Variants in RXFP2 observed in about 807,000 individuals in gnomAD.
RXFP2 encodes the protein relaxin family peptide receptor 2.
In RXFP2, 68 loss-of-function variants were observed where a neutral mutation model predicts 88.6. That is an observed-to-expected ratio of 0.77 (90% CI 0.63 to 0.94). The LOEUF (loss-of-function observed/expected upper bound fraction) is 0.94, where lower values mean the gene tolerates loss of function less well. Ranked by LOEUF, RXFP2 falls within the 40% of genes least tolerant of loss-of-function variation. RXFP2 has a pLI of 0.00. For missense variants in RXFP2, 791 were observed against 893.9 expected, an observed-to-expected ratio of 0.88 and a Z score of 1.47; for synonymous variants, 329 against 306.8, an observed-to-expected ratio of 1.07 and a Z score of -0.76.
rs1284907289 is a variant in RXFP2 at position 31,777,415 on chromosome 13, C to A, written c.681C>A (p.Arg227=). 3 of 1,612,038 alleles carry A rather than the reference C, an allele frequency of 1.9e-6. No homozygotes were observed. Among genetic ancestry groups the A allele is most frequent in the East Asian group, 4.5e-5 (2 of 44,856 alleles). Residue 227 remains arginine, a synonymous_variant, in exon 8 of 18, where the codon CGC becomes CGA. Coordinates refer to ENST00000298386, the MANE Select transcript of RXFP2 (RefSeq NM_130806.5). ...DDNPITRISQ[R]LFTGLNSLFF... Reference sequence around the variant, plus strand: ...ATCCAATAACCAGAATTTCACAGCGCTTGTTTACGGGATTAAATTCCTTGT... The same window carrying A: ...ATCCAATAACCAGAATTTCACAGCGATTGTTTACGGGATTAAATTCCTTGT...
At chr13:31,769,673 C>A (rs1471153398) in intron 5 of RXFP2, among the ~76,000 whole-genome samples, 1 of 152,172 alleles carries the variant, frequency 6.6e-6, no homozygotes, top group Non-Finnish European at 1.5e-5. Context: ...TTGATGACTT[C>A]TTGATACTCT....
chr13:31,783,001 T>C (rs902146391), intron 11 of RXFP2, among the ~76,000 whole-genome samples: 1 of 152,208 alleles, frequency 6.6e-6, no homozygotes, highest in Non-Finnish European at 1.5e-5. Flanking sequence ...TTATGTGTGT[T>C]TGGGAGTAAA....
At chr13:31,774,150 T>C (rs1872836219) in intron 5 of RXFP2, among the ~76,000 whole-genome samples, 1 of 152,202 alleles carries the variant, frequency 6.6e-6, no homozygotes, top group Admixed American at 6.5e-5. Context: ...TCCTTCTCAC[T>C]TTGCATCATG....
At chr13:31,792,392 A>G (rs960057450) in intron 15 of RXFP2, among the ~76,000 whole-genome samples, 5 of 152,206 alleles carry the variant, frequency 3.3e-5, no homozygotes, top group Non-Finnish European at 7.3e-5. Context: ...CTATGAAGAT[A>G]CTATATGTTA....
chr13:31,762,374 A>C (rs1872339296), intron 3 of RXFP2, among the ~76,000 whole-genome samples: 1 of 152,212 alleles, frequency 6.6e-6, no homozygotes, highest in African/African-American at 2.4e-5. Context: ...GGATGAGCAG[A>C]GGAGCAAGAT....
At position 31,765,938 on chromosome 13, in the gene RXFP2, C is replaced by T. The variant is rs375461788; in HGVS notation, c.426-18C>T. 16 of 1,319,308 alleles carry T rather than the reference C, an allele frequency of 1.2e-5. No homozygotes were observed. The highest frequency in any genetic ancestry group is 1.7e-5 in the Non-Finnish European group (16 of 924,034). The allele number at this position is 1,319,308 out of a possible 1,614,324, so 81.7% of individuals were successfully genotyped here. A position where few individuals can be genotyped will look rare whatever the true frequency, so the allele number is the denominator to read the frequency against. On this transcript the variant is annotated intron_variant, in intron 4 of 17. Coordinates refer to ENST00000298386, the MANE Select transcript of RXFP2 (RefSeq NM_130806.5). ...CCATAACAATCCATAATGAAGTTTG[C>T]TTTACATGTTATTTTAGGTCTCTTA...
intron 16 of RXFP2, among the ~76,000 whole-genome samples, chr13:31,796,089 G>A (rs1232473610): frequency 2.6e-4 from 27 of 104,688 alleles, no homozygotes; most frequent in Admixed American, 3.1e-4. Flanking sequence ...TTGCTCTGTC[G>A]CCCAGGCTGG....
chr13:31,752,652 A>C (rs947606750), intron 1 of RXFP2, among the ~76,000 whole-genome samples: 1 of 152,130 alleles, frequency 6.6e-6, no homozygotes, highest in Non-Finnish European at 1.5e-5. Context: ...CAAACAAACA[A>C]CAAATCATCT....
rs58344064 is a variant in RXFP2, at chr13:31,742,293, C to T, written c.94+2587C>T. ...TTTTGAGGGGAGCAGTGTTTGACTG[C>T]CCCCTAGTGGCCAGACTCAAGGCAT... On this transcript the variant is annotated intron_variant, in intron 1 of 17. Coordinates refer to ENST00000298386, the MANE Select transcript of RXFP2 (RefSeq NM_130806.5). 4.4e-3 allele frequency among the ~76,000 whole-genome samples: 674 copies of T among 152,270 alleles called. 6 individuals carry two copies. Among genetic ancestry groups the T allele is most frequent in the African/African-American group, 0.016 (645 of 41,554 alleles).
At chr13:31,768,702 C>A (rs942156443) in intron 5 of RXFP2, among the ~76,000 whole-genome samples, 1 of 152,144 alleles carries the variant, frequency 6.6e-6, no homozygotes, top group Non-Finnish European at 1.5e-5. Flanking sequence ...ACTCAAATAT[C>A]CTAGAGCAGC....
chr13:31,747,580 G>A (rs1394222344), intron 1 of RXFP2, among the ~76,000 whole-genome samples: 12 of 152,100 alleles, frequency 7.9e-5, no homozygotes, highest in Admixed American at 7.2e-4. Flanking sequence ...TTACAGAAAC[G>A]GCATTGCTAT....
chr13:31,756,240 G>A (rs1371308991), intron 1 of RXFP2, among the ~76,000 whole-genome samples: 5 of 152,206 alleles, frequency 3.3e-5, no homozygotes, highest in Non-Finnish European at 1.5e-5. Flanking sequence ...TTTGCTTGAA[G>A]GGCTCAGGCC....
intron 1 of RXFP2, 41 bp downstream of exon 1, chr13:31,739,747 CA>C: frequency 3.3e-6 from 4 of 1,204,722 alleles, no homozygotes; most frequent in Non-Finnish European, 3.7e-6. Context: ...GTGCAATTCC[CA>C]AAAAATACAT....
chr13:31,783,316 C>A (rs777792706), intron 11 of RXFP2, among the ~76,000 whole-genome samples: 2 of 152,160 alleles, frequency 1.3e-5, no homozygotes, highest in Admixed American at 6.5e-5. Flanking sequence ...AAAATCATTT[C>A]TCTCGCTATT....
intron 2 of RXFP2, among the ~76,000 whole-genome samples, chr13:31,758,850 C>G (rs1593451059): frequency 6.6e-6 from 1 of 151,916 alleles, no homozygotes; most frequent in African/African-American, 2.4e-5. Context: ...TCAGCCTGGC[C>G]AACATGGTGA....
At chr13:31,780,577 T>C (rs1873218926) in intron 9 of RXFP2, among the ~76,000 whole-genome samples, 2 of 152,188 alleles carry the variant, frequency 1.3e-5, no homozygotes, top group Admixed American at 1.3e-4. Flanking sequence ...TTAGTGTGAC[T>C]ATGAGAAAAG....
At chr13:31,798,948 A>G (rs1014913787) in intron 17 of RXFP2, among the ~76,000 whole-genome samples, 1 of 152,094 alleles carries the variant, frequency 6.6e-6, no homozygotes, top group African/African-American at 2.4e-5. Context: ...TTGCTTAAAC[A>G]TCCATGATGG....
At chr13:31,752,740 G>A (rs1335931038) in intron 1 of RXFP2, among the ~76,000 whole-genome samples, 1 of 152,194 alleles carries the variant, frequency 6.6e-6, no homozygotes, top group Non-Finnish European at 1.5e-5. Flanking sequence ...GCACTCCGCT[G>A]ATGGAGCTAC....
At chr13:31,740,623 C>T (rs1053563107) in intron 1 of RXFP2, among the ~76,000 whole-genome samples, 1 of 151,812 alleles carries the variant, frequency 6.6e-6, no homozygotes. Flanking sequence ...AAATGCAATA[C>T]TTATGAGGAA....
Sources: allele counts gnomAD v4.1 joint callset (sites outside exome capture counted in the v4.1 genomes callset), GRCh38; gene constraint gnomAD v4.1.1; transcripts MANE v1.5; gene names NCBI Gene and HGNC (gene_info 2026-07-23, HGNC 2026-07-21).